The following C1orf185 variants were observed in gnomAD, a reference collection of about 807,000 sequenced individuals.
C1orf185 encodes uncharacterized protein C1orf185.
C1orf185 carries 13 observed loss-of-function variants against 16.1 expected under a neutral mutation model. That is an observed-to-expected ratio of 0.81 (90% CI 0.53 to 1.28). C1orf185 has a LOEUF of 1.28. Among genes scored for constraint, C1orf185 ranks in the 50% most tolerant of loss-of-function variants. The probability of loss-of-function intolerance (pLI) is 0.00; values close to 1 mark genes in which losing one functional copy is unlikely to be tolerated. For missense variants in C1orf185, 220 were observed against 225.2 expected (o/e 0.98, Z 0.15); for synonymous variants, 80 against 76.9 (o/e 1.04, Z -0.21).
At chr1:51,130,373 A>G (rs1646274476) in intron 3 of C1orf185, among the ~76,000 whole-genome samples, 1 of 151,260 alleles carries the variant, frequency 6.6e-6, no homozygotes, top group African/African-American at 2.4e-5. Context: ...TTAAGAGACA[A>G]GGGCCTTGCT....
chr1:51,151,452 C>G (rs1038478376), downstream of C1orf185, among the ~76,000 whole-genome samples: 1 of 151,592 alleles, frequency 6.6e-6, no homozygotes, highest in East Asian at 1.9e-4. Context: ...AACAAGAGAT[C>G]TTTTGAAAAA....
At chr1:51,134,751 A>G (rs1020639904) in intron 3 of C1orf185, among the ~76,000 whole-genome samples, 1 of 152,192 alleles carries the variant, frequency 6.6e-6, no homozygotes, top group Non-Finnish European at 1.5e-5. Flanking sequence ...GAAAATCTAA[A>G]AGAAATGGAT....
At chr1:51,147,198 T>A (rs1055939143) in intron 4 of C1orf185, among the ~76,000 whole-genome samples, 3 of 152,172 alleles carry the variant, frequency 2.0e-5, no homozygotes, top group Non-Finnish European at 2.9e-5. Context: ...AATAAGGCAA[T>A]CAGTCTTTTC....
chr1:51,115,737 G>A (rs1461099752), intron 2 of C1orf185, among the ~76,000 whole-genome samples: 1 of 152,028 alleles, frequency 6.6e-6, no homozygotes, highest in African/African-American at 2.4e-5. Context: ...AATTTTAATG[G>A]AGCAAGAGTG....
At position 51,147,732 on chromosome 1, in the gene C1orf185, A is replaced by G. The variant is rs567058897; in HGVS notation, c.561A>G (p.Leu187=). 1.9e-6 allele frequency: 3 copies of G among 1,550,154 alleles called. No homozygotes were observed. The highest frequency in any genetic ancestry group is 2.4e-5 in the East Asian group (1 of 40,896). ...TTTCATACCTGTCAACCATTTCATTAGAAGAGGGTACTGAAAGTGTACTGA... is the reference window on the plus strand; with the variant it reads ...TTTCATACCTGTCAACCATTTCATTGGAAGAGGGTACTGAAAGTGTACTGA... ...KVFSYLSTIS[L]EEGTESVLND... The change falls in exon 5 of 5, where the codon TTA becomes TTG. Residue 187 remains leucine, a synonymous_variant. Coordinates refer to ENST00000371759, the MANE Select transcript of C1orf185 (RefSeq NM_001136508.2).
At position 51,145,735 on chromosome 1, in the gene C1orf185, A is replaced by C; in HGVS notation, c.270A>C (p.Arg90Ser). 2 of 1,315,324 alleles carry C rather than the reference A, an allele frequency of 1.5e-6. No individual in the cohort carries two copies. The highest frequency in any genetic ancestry group is 2.1e-6 in the Non-Finnish European group (2 of 969,938). The allele number at this position is 1,315,324 out of a possible 1,614,324, so 81.5% of individuals were successfully genotyped here. Residue 90 changes from arginine to serine, a missense_variant, in exon 4 of 5, where the codon AGA (arginine) becomes AGC (serine). Arg to Ser is a moderately radical substitution (Grantham distance 110). Coordinates refer to ENST00000371759, the MANE Select transcript of C1orf185 (RefSeq NM_001136508.2). ...TGRFQLQEEQ[R>S]KKEAAHIKAI... Reference sequence around the variant, plus strand: ...TTTTTTTAATGTAGGAGGAGCAAAGAAAAAAGGAAGCAGCACATATAAAAG... The same window carrying C: ...TTTTTTTAATGTAGGAGGAGCAAAGCAAAAAGGAAGCAGCACATATAAAAG...
intron 3 of C1orf185, among the ~76,000 whole-genome samples, chr1:51,137,290 T>C (rs1646332428): frequency 6.6e-6 from 1 of 152,164 alleles, no homozygotes; most frequent in Admixed American, 6.5e-5. Flanking sequence ...CCCAGCACTT[T>C]GGGAGGCTGA....
chr1:51,103,909 T>C (rs975483883), intron 1 of C1orf185, among the ~76,000 whole-genome samples: 1 of 152,216 alleles, frequency 6.6e-6, no homozygotes, highest in African/African-American at 2.4e-5. Flanking sequence ...ATGATTCTCA[T>C]TTTTCAAGTG....
intron 3 of C1orf185, among the ~76,000 whole-genome samples, chr1:51,135,853 G>C (rs1646319937): frequency 6.6e-6 from 1 of 152,196 alleles, no homozygotes. Context: ...AATAGGAAGA[G>C]AGGAAGTCAA....
At chr1:51,127,006 C>T (rs1646245420) in intron 3 of C1orf185, among the ~76,000 whole-genome samples, 1 of 151,290 alleles carries the variant, frequency 6.6e-6, no homozygotes, top group Non-Finnish European at 1.5e-5. Context: ...TTATTTATAA[C>T]TTGGGTTATG....
intron 4 of C1orf185, among the ~76,000 whole-genome samples, chr1:51,146,374 T>A (rs1570324979): frequency 6.6e-6 from 1 of 150,682 alleles, no homozygotes; most frequent in African/African-American, 2.4e-5. Flanking sequence ...CAAGAGAATC[T>A]CTTGAACCCA....
At chr1:51,143,156 T>G (rs1646377200) in intron 3 of C1orf185, among the ~76,000 whole-genome samples, 1 of 152,230 alleles carries the variant, frequency 6.6e-6, no homozygotes, top group African/African-American at 2.4e-5. Context: ...TATTTCTATT[T>G]TTTACCCTTG....
chr1:51,111,792 T>C (rs182090308), intron 1 of C1orf185, among the ~76,000 whole-genome samples: 1 of 152,330 alleles, frequency 6.6e-6, no homozygotes, highest in Non-Finnish European at 1.5e-5. Context: ...AGTGCTGGGA[T>C]TACAGGCGTG....
chr1:51,121,643 T>C (rs1435342959), intron 3 of C1orf185, among the ~76,000 whole-genome samples: 1 of 152,194 alleles, frequency 6.6e-6, no homozygotes, highest in Non-Finnish European at 1.5e-5. Context: ...GGCTTCTTCC[T>C]CTTCTACTAC....
intron 1 of C1orf185, among the ~76,000 whole-genome samples, chr1:51,110,626 T>C (rs1443668180): frequency 6.6e-6 from 1 of 152,210 alleles, no homozygotes; most frequent in Non-Finnish European, 1.5e-5. Context: ...CAAAATAATA[T>C]ACTCCTCAGT....
At chr1:51,103,535 C>CTT (rs753881327) in intron 1 of C1orf185, among the ~76,000 whole-genome samples, 4 of 133,556 alleles carry the variant, frequency 3.0e-5, no homozygotes, top group South Asian at 2.4e-4. Flanking sequence ...GATGTCTTTC[C>CTT]TTTTTTTTTT....
chr1:51,142,521 T>C (rs1174573197), intron 3 of C1orf185, among the ~76,000 whole-genome samples: 2 of 152,204 alleles, frequency 1.3e-5, no homozygotes, highest in East Asian at 3.8e-4. Context: ...AGTGAAGTCA[T>C]CTAGAGTTTC....
downstream of C1orf185, among the ~76,000 whole-genome samples, chr1:51,150,670 C>T (rs1646426018): frequency 6.6e-6 from 1 of 152,184 alleles, no homozygotes. Flanking sequence ...AGATTTCACT[C>T]TTTATGCAAG....
chr1:51,146,323 G>T (rs1163436202), intron 4 of C1orf185, among the ~76,000 whole-genome samples: 1 of 151,928 alleles, frequency 6.6e-6, no homozygotes, highest in Non-Finnish European at 1.5e-5. Flanking sequence ...GCTGGATGTG[G>T]TGGCGCAGGC....
Sources: allele counts gnomAD v4.1 joint callset (sites outside exome capture counted in the v4.1 genomes callset), GRCh38; gene constraint gnomAD v4.1.1; transcripts MANE v1.5; gene names NCBI Gene and HGNC (gene_info 2026-07-23, HGNC 2026-07-21).